Variants in EPB41L3 observed in about 807,000 individuals in gnomAD.
The protein encoded by EPB41L3 is erythrocyte membrane protein band 4.1 like 3, also known as band 4.1-like protein 3.
Under a neutral mutation model 127.1 loss-of-function variants are expected in EPB41L3, and 57 were observed. That is an observed-to-expected ratio of 0.45 (90% CI 0.36 to 0.56). The LOEUF (loss-of-function observed/expected upper bound fraction) is 0.56, where lower values mean the gene tolerates loss of function less well. EPB41L3 is among the 20% of genes least tolerant of loss of function. The pLI, the probability that EPB41L3 is intolerant of heterozygous loss-of-function variation, is 0.00. For synonymous variants in EPB41L3, 572 were observed against 549.5 expected (o/e 1.04, Z -0.57); for missense variants, 1,273 against 1,372.2 (o/e 0.93, Z 1.14).
intron 3 of EPB41L3, among the ~76,000 whole-genome samples, chr18:5,586,470 G>A (rs771592658): frequency 6.6e-6 from 1 of 150,968 alleles, no homozygotes; most frequent in African/African-American, 2.4e-5. Flanking sequence ...CATAATCATG[G>A]CTAACTGCAG....
At chr18:5,610,161 C>T in intron 3 of EPB41L3, 1 of 985,390 alleles carries the variant, frequency 1.0e-6, no homozygotes, top group Non-Finnish European at 1.2e-6. Flanking sequence ...ATCCACGTCC[C>T]AACAAGCAAA....
At chr18:5,551,180 C>A (rs1467461403) in intron 3 of EPB41L3, among the ~76,000 whole-genome samples, 5 of 152,208 alleles carry the variant, frequency 3.3e-5, no homozygotes, top group Admixed American at 2.0e-4. Flanking sequence ...AATTATCCCA[C>A]TGTTTAACAG....
rs111990378 is a variant in EPB41L3 at position 5,429,934 on chromosome 18, C to A, written c.913-1469G>T. On this transcript the variant is annotated intron_variant, in intron 8 of 22. Transcript: ENST00000341928. The stretch of plus-strand genomic sequence containing the variant: ...CTCAGAGATGACCACCTTACGCCAT[C>A]GGCAGAGTGCAGGAACGAGGACGCA... 2.8e-3 allele frequency among the ~76,000 whole-genome samples: 429 copies of A among 152,296 alleles called. 3 individuals are homozygous for A. The highest frequency in any genetic ancestry group is 0.01 in the Middle Eastern group (3 of 294).
intron 2 of EPB41L3, among the ~76,000 whole-genome samples, chr18:5,481,617 C>A (rs532168009): frequency 6.6e-6 from 1 of 152,132 alleles, no homozygotes; most frequent in East Asian, 1.9e-4. Flanking sequence ...GGAGAAAAAG[C>A]CGGGAGATGG....
chr18:5,603,291 G>A (rs1341797983), intron 3 of EPB41L3, among the ~76,000 whole-genome samples: 2 of 152,150 alleles, frequency 1.3e-5, no homozygotes, highest in Non-Finnish European at 2.9e-5. Context: ...TTTGGACTGG[G>A]TGGAAATGAG....
intron 5 of EPB41L3, 111 bp from the exon 6 acceptor site, chr18:5,438,221 A>G (rs763203280): frequency 1.1e-6 from 1 of 873,504 alleles, no homozygotes; most frequent in Non-Finnish European, 1.7e-6. Context: ...ACTTTTGACC[A>G]TTAATGGAAA....
chr18:5,428,525 G>T (rs1485800176), intron 8 of EPB41L3, 60 bp from the exon 9 acceptor site: 1 of 1,593,772 alleles, frequency 6.3e-7, no homozygotes, highest in African/African-American at 1.3e-5. Flanking sequence ...TTTTCTGCTG[G>T]GTAAAGTATT....
chr18:5,424,365 TAA>T lies in EPB41L3; in HGVS notation c.1066-8_1066-7del. On this transcript the variant is annotated splice_region_variant and splice_polypyrimidine_tract_variant and intron_variant, in intron 9 of 22. Transcript: ENST00000341928. ...GTGCTTTCAAATTGTTCAAACTAAA[TAA>T]AAAAAAATACATTGAAGAGTAAAGT... is the stretch of plus-strand genomic sequence containing the variant. 6.4e-7 allele frequency: 1 copy of T among 1,556,110 alleles called. No individual in the cohort carries two copies. Among genetic ancestry groups the T allele is most frequent in the South Asian group, 1.2e-5 (1 of 82,434 alleles).
chr18:5,565,611 C>T (rs1190058112), intron 3 of EPB41L3, among the ~76,000 whole-genome samples: 2 of 109,138 alleles, frequency 1.8e-5, no homozygotes, highest in Non-Finnish European at 3.6e-5. Context: ...TCCCTCCCCC[C>T]TCCCCCCTCC....
chr18:5,398,486 C>A, intron 16 of EPB41L3: 1 of 412,942 alleles, frequency 2.4e-6, no homozygotes. Flanking sequence ...CTTTGCACTG[C>A]GGTATTGATT....
intron 3 of EPB41L3, among the ~76,000 whole-genome samples, chr18:5,458,837 G>A (rs1000005067): frequency 1.3e-5 from 2 of 152,122 alleles, no homozygotes; most frequent in Non-Finnish European, 2.9e-5. Flanking sequence ...TTGCTTTGAG[G>A]TTATCTTGAA....
intron 3 of EPB41L3, among the ~76,000 whole-genome samples, chr18:5,602,637 G>A (rs971173667): frequency 3.9e-5 from 6 of 152,154 alleles, no homozygotes; most frequent in African/African-American, 1.4e-4. Context: ...GTAAAGACGA[G>A]GTTTCACTTT....
At chr18:5,540,740 G>A (rs976928515) in intron 1 of EPB41L3, among the ~76,000 whole-genome samples, 1 of 152,112 alleles carries the variant, frequency 6.6e-6, no homozygotes, top group Non-Finnish European at 1.5e-5. Flanking sequence ...AACTGATGGG[G>A]TACTTAGGGG....
At chr18:5,538,150 A>G (rs373420387) in intron 1 of EPB41L3, among the ~76,000 whole-genome samples, 7 of 152,222 alleles carry the variant, frequency 4.6e-5, no homozygotes, top group African/African-American at 1.7e-4. Flanking sequence ...TAAAGAAAAT[A>G]TAAACAAAAT....
chr18:5,550,962 C>G (rs1277594706), intron 3 of EPB41L3, among the ~76,000 whole-genome samples: 3 of 152,228 alleles, frequency 2.0e-5, no homozygotes, highest in Non-Finnish European at 2.9e-5. Context: ...CACGTCTTCT[C>G]AGATCCATCA....
chr18:5,614,143 C>G (rs1332556882), intron 2 of EPB41L3, among the ~76,000 whole-genome samples: 5 of 152,160 alleles, frequency 3.3e-5, no homozygotes, highest in Admixed American at 2.0e-4. Flanking sequence ...TACCCAAGAG[C>G]AATGTTGGAA....
chr18:5,590,304 T>C (rs993738437), intron 3 of EPB41L3, among the ~76,000 whole-genome samples: 2 of 152,140 alleles, frequency 1.3e-5, no homozygotes, highest in Non-Finnish European at 2.9e-5. Context: ...GTAGCTCAGA[T>C]AGTACCAAGG....
At chr18:5,488,072 C>T (rs990440801) in intron 2 of EPB41L3, among the ~76,000 whole-genome samples, 1 of 152,100 alleles carries the variant, frequency 6.6e-6, no homozygotes, top group Non-Finnish European at 1.5e-5. Context: ...TAAATATGGA[C>T]TTATTCAAGG....
chr18:5,552,825 G>A (rs1348827421), intron 3 of EPB41L3, among the ~76,000 whole-genome samples: 1 of 152,144 alleles, frequency 6.6e-6, no homozygotes, highest in Non-Finnish European at 1.5e-5. Flanking sequence ...GGTGCCCGAC[G>A]TTACACAGGT....
Sources: allele counts gnomAD v4.1 joint callset (sites outside exome capture counted in the v4.1 genomes callset), GRCh38; gene constraint gnomAD v4.1.1; transcripts MANE v1.5; gene names NCBI Gene and HGNC (gene_info 2026-07-23, HGNC 2026-07-21).